Variants in MMAA observed in about 807,000 individuals in gnomAD.
MMAA encodes methylmalonic aciduria type A protein, mitochondrial.
In MMAA, 41 loss-of-function variants were observed where a neutral mutation model predicts 45.0. That is an observed-to-expected ratio of 0.91 (90% CI 0.71 to 1.18). MMAA has a LOEUF of 1.18. Among genes scored for constraint, MMAA ranks in the 50% most tolerant of loss-of-function variants. The pLI is 0.00. For synonymous variants in MMAA, 154 were observed against 178.2 expected (o/e 0.86, Z 1.08); for missense variants, 460 against 495.7 (o/e 0.93, Z 0.68).
intron 5 of MMAA, 86 bp from the exon 6 acceptor site, chr4:145,653,908 T>C: frequency 1.4e-6 from 2 of 1,406,958 alleles, no homozygotes; most frequent in Non-Finnish European, 2.0e-6. Context: ...GAAAAGTTAA[T>C]GAAATGTATG....
chr4:145,625,037 A>C, intron 1 of MMAA: 1 of 907,216 alleles, frequency 1.1e-6, no homozygotes, highest in Non-Finnish European at 1.8e-6. Context: ...CAAGAGCTCA[A>C]ACTTCTCACC....
At chr4:145,625,492 T>A in intron 1 of MMAA, 2 of 726,358 alleles carry the variant, frequency 2.8e-6, no homozygotes, top group Non-Finnish European at 5.2e-6. Flanking sequence ...GGATATAGCC[T>A]CTTCTCCAGG....
Position 145,621,948 on chromosome 4 carries a change from A to G in MMAA, c.-66+2541A>G, listed in dbSNP as rs148639451. Among the ~76,000 whole-genome samples, 217 of 152,356 alleles carry G rather than the reference A, an allele frequency of 1.4e-3. 1 individual carries two copies. Among genetic ancestry groups the G allele is most frequent in the African/African-American group, 5.1e-3 (210 of 41,572 alleles). On this transcript the variant is annotated intron_variant, in intron 1 of 6. Coordinates refer to ENST00000649156, the MANE Select transcript of MMAA (RefSeq NM_172250.3). ...TACTGTAAAATCTAGAAAAAAATGT[A>G]CATTTTAGAAACATCAATTAACTGA... is the stretch of plus-strand genomic sequence containing the variant.
At chr4:145,626,587 A>G (rs1477270610) in intron 1 of MMAA, among the ~76,000 whole-genome samples, 1 of 152,258 alleles carries the variant, frequency 6.6e-6, no homozygotes, top group Non-Finnish European at 1.5e-5. Flanking sequence ...ATAATCAGGC[A>G]TATTCAGATA....
intron 5 of MMAA, among the ~76,000 whole-genome samples, chr4:145,652,058 G>T (rs958023180): frequency 2.9e-4 from 44 of 152,208 alleles, no homozygotes; most frequent in African/African-American, 1.0e-3. Flanking sequence ...GTGACTCAGA[G>T]AACTCAGGAA....
Position 145,657,163 on chromosome 4 carries a change from T to C in MMAA, c.*1729T>C, listed in dbSNP as rs780680164. 1 of 152,216 alleles carries C rather than the reference T, an allele frequency of 6.6e-6. No homozygotes were observed. Among genetic ancestry groups the C allele is most frequent in the Non-Finnish European group, 1.5e-5 (1 of 68,038 alleles). The allele number at this position is 152,216 out of a possible 1,614,324, so 9.4% of individuals were successfully genotyped here. A position where few individuals can be genotyped will look rare whatever the true frequency, so the allele number is the denominator to read the frequency against. ...GTAGGAAAGGTGGGGGGACTTTTGT[T>C]AGCTTTAATTTTAAGGCTAAAAGCA... is the stretch of plus-strand genomic sequence containing the variant. On this transcript the variant is annotated 3_prime_UTR_variant, in exon 7 of 7. Coordinates refer to ENST00000649156, the MANE Select transcript of MMAA (RefSeq NM_172250.3).
intron 1 of MMAA, among the ~76,000 whole-genome samples, chr4:145,629,256 G>T (rs550592914): frequency 8.6e-5 from 13 of 151,990 alleles, no homozygotes; most frequent in Admixed American, 2.0e-4. Context: ...TCAGCCTCCC[G>T]TGTAGCTGGG....
intron 1 of MMAA, among the ~76,000 whole-genome samples, chr4:145,621,079 A>G (rs1734079527): frequency 6.6e-6 from 1 of 152,136 alleles, no homozygotes; most frequent in Non-Finnish European, 1.5e-5. Flanking sequence ...AAAAGAGGAA[A>G]GTTTCTTAGA....
intron 1 of MMAA, among the ~76,000 whole-genome samples, chr4:145,638,686 A>AT (rs958870739): frequency 4.9e-4 from 73 of 148,578 alleles, no homozygotes; most frequent in Admixed American, 2.6e-3. Context: ...AGAGAGATTC[A>AT]TTTTTTTTTT....
chr4:145,656,117 T>C lies in MMAA; in HGVS notation c.*683T>C, dbSNP rs1728222700. 2 of 152,212 alleles carry C rather than the reference T, an allele frequency of 1.3e-5. No individual in the cohort carries two copies. Among genetic ancestry groups the C allele is most frequent in the Non-Finnish European group, 2.9e-5 (2 of 68,048 alleles). 9.4% of individuals were successfully genotyped at this position (152,212 alleles called of 1,614,324 possible). ...CCCCAGTTCTTGGACCCATTATATTTGTAGCCAATTGGAGTAAACCCCTAA... is the reference window on the plus strand; with the variant it reads ...CCCCAGTTCTTGGACCCATTATATTCGTAGCCAATTGGAGTAAACCCCTAA... On this transcript the variant is annotated 3_prime_UTR_variant, in exon 7 of 7. Coordinates refer to ENST00000649156, the MANE Select transcript of MMAA (RefSeq NM_172250.3).
Position 145,656,364 on chromosome 4 carries a change from C to G in MMAA, c.*930C>G, listed in dbSNP as rs1273903106. The G allele has an allele frequency of 6.6e-6, 1 of 152,134 alleles. No homozygotes were observed. The highest frequency in any genetic ancestry group is 1.5e-5 in the Non-Finnish European group (1 of 68,022). The allele number at this position is 152,134 out of a possible 1,614,324, so 9.4% of individuals were successfully genotyped here. A position where few individuals can be genotyped will look rare whatever the true frequency, so the allele number is the denominator to read the frequency against. On this transcript the variant is annotated 3_prime_UTR_variant, in exon 7 of 7. Coordinates refer to ENST00000649156, the MANE Select transcript of MMAA (RefSeq NM_172250.3). ...ACTATGTGGGTTTAAACTTTAAACC[C>G]AGATCAATTGTATATTAGCTACATG... is the stretch of plus-strand genomic sequence containing the variant.
intron 4 of MMAA, 26 bp from the exon 5 acceptor site, chr4:145,651,036 G>A (rs1321762189): frequency 6.3e-7 from 1 of 1,596,162 alleles, no homozygotes; most frequent in East Asian, 2.2e-5. Context: ...AGTATTTTAG[G>A]ATATAGTTGT....
Position 145,656,449 on chromosome 4 carries a change from C to G in MMAA, c.*1015C>G, listed in dbSNP as rs1171176513. The stretch of plus-strand genomic sequence containing the variant: ...TAAAATGAAATTGGCAAATAACTTT[C>G]TAAGGTTAGTGAAGATAGGAAATAC... On this transcript the variant is annotated 3_prime_UTR_variant, in exon 7 of 7. Transcript: ENST00000649156. The G allele has an allele frequency of 1.3e-5, 2 of 151,982 alleles. No individual in the cohort carries two copies. The highest frequency in any genetic ancestry group is 4.8e-5 in the African/African-American group (2 of 41,322). The allele number at this position is 151,982 out of a possible 1,614,324, so 9.4% of individuals were successfully genotyped here.
Position 145,646,126 on chromosome 4 carries a change from G to A in MMAA, c.703G>A (p.Gly235Arg). Residue 235 changes from glycine (G) to arginine (R), a missense_variant, in exon 4 of 7, where the codon GGA (glycine) becomes AGA (arginine). Transcript: ENST00000649156. ...NEAILLCEGAGYDIILIETVG... is the reference protein window; with the variant it reads ...NEAILLCEGARYDIILIETVG... ...AGCTATTCTGTTGTGTGAAGGAGCG[G>A]GATATGACATAATTCTTATTGAAAC... 1 of 1,613,970 alleles carries A rather than the reference G, an allele frequency of 6.2e-7. No homozygotes were observed. Among genetic ancestry groups the A allele is most frequent in the Non-Finnish European group, 8.5e-7 (1 of 1,179,938 alleles).
At chr4:145,626,067 C>T (rs1457056579) in intron 1 of MMAA, 1 of 952,736 alleles carries the variant, frequency 1.0e-6, no homozygotes, top group South Asian at 1.7e-5. Flanking sequence ...CAGTGCCTCT[C>T]TGGGGCAGTC....
At chr4:145,626,889 C>T (rs557782892) in intron 1 of MMAA, among the ~76,000 whole-genome samples, 2 of 152,256 alleles carry the variant, frequency 1.3e-5, no homozygotes, top group African/African-American at 4.8e-5. Flanking sequence ...AAATTAGTCC[C>T]CTGGGAAGAA....
Position 145,655,567 on chromosome 4 carries a change from A to G in MMAA, c.*133A>G. 2.2e-6 allele frequency: 2 copies of G among 921,140 alleles called. No homozygotes were observed. The highest frequency in any genetic ancestry group is 6.0e-5 in the Admixed American group (2 of 33,486). 57.1% of individuals were successfully genotyped at this position (921,140 alleles called of 1,614,324 possible). On this transcript the variant is annotated 3_prime_UTR_variant, in exon 7 of 7. Transcript: ENST00000649156. Reference sequence around the variant, plus strand: ...CTTCTTTGTTTGTGACCCATGCTTGAAAACTTGAAGGAAGTTAGATATGAA... The same window carrying G: ...CTTCTTTGTTTGTGACCCATGCTTGGAAACTTGAAGGAAGTTAGATATGAA...
At chr4:145,628,334 A>G (rs139751127) in intron 1 of MMAA, among the ~76,000 whole-genome samples, 4 of 152,334 alleles carry the variant, frequency 2.6e-5, no homozygotes, top group South Asian at 4.1e-4. Context: ...TTACAGTTCT[A>G]TTGGTCAGAA....
intron 5 of MMAA, 57 bp downstream of exon 5, chr4:145,651,204 A>G (rs1728079162): frequency 6.9e-7 from 1 of 1,458,056 alleles, no homozygotes. Flanking sequence ...TGAAAATAAA[A>G]ATTTCCAATG....
Sources: gnomAD v4.1 joint callset for allele counts (sites outside exome capture counted in the v4.1 genomes callset) on GRCh38, gnomAD v4.1.1 for gene constraint, MANE v1.5 for transcripts, NCBI Gene and HGNC (gene_info 2026-07-23, HGNC 2026-07-21) for gene names.